Variants in ADD1 observed in about 807,000 individuals in gnomAD.
The protein encoded by ADD1 is adducin 1.
A neutral mutation model predicts 80.5 loss-of-function variants in ADD1; 24 were observed. The observed-to-expected ratio is 0.30, with a 90% CI of 0.22 to 0.42. ADD1 has a LOEUF of 0.42. Ranked by LOEUF, ADD1 falls within the 10% of genes least tolerant of loss-of-function variation. ADD1 has a pLI of 1.00. For missense variants in ADD1, 948 were observed against 1,019.0 expected (o/e 0.93, Z 0.95); for synonymous variants, 373 against 393.8 (o/e 0.95, Z 0.63).
intron 13 of ADD1, among the ~76,000 whole-genome samples, chr4:2,909,709 G>A (rs1737693569): frequency 6.6e-6 from 1 of 152,078 alleles, no homozygotes; most frequent in Admixed American, 6.5e-5. Flanking sequence ...GTTCCGCACG[G>A]GACTTTGGTC....
chr4:2,914,058 C>CAAAAAAA (rs775339952), intron 13 of ADD1, among the ~76,000 whole-genome samples: 1 of 120,574 alleles, frequency 8.3e-6, no homozygotes, highest in Non-Finnish European at 1.8e-5. Context: ...GACTCCGTCT[C>CAAAAAAA]AAAAAAAAAA....
At chr4:2,913,387 G>A (rs1165388169) in intron 13 of ADD1, among the ~76,000 whole-genome samples, 1 of 152,160 alleles carries the variant, frequency 6.6e-6, no homozygotes, top group African/African-American at 2.4e-5. Context: ...CTCTGGTCAG[G>A]GAAAGACTTG....
chr4:2,907,900 C>A, intron 11 of ADD1, 56 bp downstream of exon 11: 1 of 1,434,848 alleles, frequency 7.0e-7, no homozygotes, highest in Non-Finnish European at 9.8e-7. Context: ...GAAGGGATGC[C>A]AGCTGCTTTG....
intron 2 of ADD1, among the ~76,000 whole-genome samples, chr4:2,877,270 G>C (rs1731507459): frequency 6.6e-6 from 1 of 151,924 alleles, no homozygotes; most frequent in Non-Finnish European, 1.5e-5. Flanking sequence ...TACCAGGGGA[G>C]TGTCATTTGG....
At chr4:2,924,807 A>G (rs1740695039) in intron 14 of ADD1, among the ~76,000 whole-genome samples, 1 of 152,196 alleles carries the variant, frequency 6.6e-6, no homozygotes, top group African/African-American at 2.4e-5. Context: ...CCTGCCTTAG[A>G]GCGAGAACTG....
At chr4:2,886,489 A>G (rs959690145) in intron 4 of ADD1, among the ~76,000 whole-genome samples, 2 of 152,204 alleles carry the variant, frequency 1.3e-5, no homozygotes, top group African/African-American at 4.8e-5. Flanking sequence ...CACTCTGTGT[A>G]GAATGTCATC....
chr4:2,915,973 A>G (rs938056969), intron 14 of ADD1, among the ~76,000 whole-genome samples: 2 of 152,084 alleles, frequency 1.3e-5, no homozygotes, highest in African/African-American at 4.8e-5. Context: ...CTGACCCCGA[A>G]GATGTCCTGC....
At position 2,926,767 on chromosome 4, in the gene ADD1, T is replaced by C. The variant is rs1711767621; in HGVS notation, c.2047+655T>C. On this transcript the variant is annotated intron_variant, in intron 15 of 15. Transcript: ENST00000683351. The surrounding 1 kb of genome is among the most constrained non-coding windows in gnomAD (Gnocchi z 5.0). ...GTTGTTTATTAAGTTTTGTTTTCTG[T>C]TTATTTAAAATAAAAACAGAAGCCC... The C allele has an allele frequency of 3.5e-6, 5 of 1,425,322 alleles. No individual in the cohort carries two copies. The Middle Eastern group carries it at 7.4e-4, about 212-fold the overall frequency. 88.3% of individuals were successfully genotyped at this position (1,425,322 alleles called of 1,614,324 possible).
intron 14 of ADD1, among the ~76,000 whole-genome samples, chr4:2,924,975 T>C (rs1740726756): frequency 6.6e-6 from 1 of 152,126 alleles, no homozygotes; most frequent in African/African-American, 2.4e-5. Flanking sequence ...TTCCCCCCGA[T>C]GTGTGAGGCT....
chr4:2,904,131 A>T (rs1320931286), intron 9 of ADD1, among the ~76,000 whole-genome samples: 2 of 152,156 alleles, frequency 1.3e-5, no homozygotes, highest in Non-Finnish European at 2.9e-5. Flanking sequence ...TTGGGTGTTC[A>T]ACTTTAATTT....
In ADD1 at chr4:2,928,843, C is replaced by T. The variant is rs1208773659; in HGVS notation, c.*320C>T. On this transcript the variant is annotated 3_prime_UTR_variant, in exon 16 of 16. Coordinates refer to ENST00000683351, the MANE Select transcript of ADD1 (RefSeq NM_001354761.2). ...GCAGCTTTGGCTGCACGTCACCCTCCTGAGCCTCACCTTTCCTGCCGTCCC... is the reference window on the plus strand; with the variant it reads ...GCAGCTTTGGCTGCACGTCACCCTCTTGAGCCTCACCTTTCCTGCCGTCCC... 1.3e-5 allele frequency: 4 copies of T among 312,554 alleles called. No homozygotes were observed. Among genetic ancestry groups the T allele is most frequent in the East Asian group, 7.3e-5 (1 of 13,774 alleles). 19.4% of individuals were successfully genotyped at this position (312,554 alleles called of 1,614,324 possible).
At chr4:2,895,372 C>T (rs1472436483) in intron 6 of ADD1, among the ~76,000 whole-genome samples, 3 of 151,920 alleles carry the variant, frequency 2.0e-5, no homozygotes, top group African/African-American at 7.3e-5. Flanking sequence ...GCAGGCATCT[C>T]GTTCGAGAAG....
At chr4:2,860,407 T>G (rs77296747) in intron 1 of ADD1, among the ~76,000 whole-genome samples, 159 of 152,296 alleles carry the variant, frequency 1.0e-3, no homozygotes, top group African/African-American at 3.6e-3. Flanking sequence ...AACTTGTGAG[T>G]GAAATTTGGA....
At position 2,904,999 on chromosome 4, in the gene ADD1, C is replaced by T; in HGVS notation, c.1397C>T (p.Pro466Leu). The T allele has an allele frequency of 1.2e-6, 2 of 1,614,164 alleles. No homozygotes were observed. The highest frequency in any genetic ancestry group is 1.7e-6 in the Non-Finnish European group (2 of 1,180,036). Residue 466 changes from proline to leucine, a missense_variant, in exon 10 of 16, where the codon CCC becomes CTC. By Grantham distance (98) the Pro-to-Leu change is moderately conservative (BLOSUM62 -3). Coordinates refer to ENST00000683351, the MANE Select transcript of ADD1 (RefSeq NM_001354761.2). The part of the protein sequence containing the change: ...ASEEGQNGSS[P>L]KSKTKVWTNI... ...GAGGAAGGGCAGAATGGAAGCAGTC[C>T]CAAGTCGAAGACTAAGGTGTGGACG...
chr4:2,865,172 GT>G (rs896384592), intron 1 of ADD1, among the ~76,000 whole-genome samples: 64 of 142,802 alleles, frequency 4.5e-4, no homozygotes, highest in African/African-American at 1.3e-3. Flanking sequence ...ATTTTCTCTT[GT>G]TTTTTTTTTC....
intron 14 of ADD1, among the ~76,000 whole-genome samples, chr4:2,924,679 T>C (rs1430252171): frequency 6.6e-6 from 1 of 152,210 alleles, no homozygotes; most frequent in African/African-American, 2.4e-5. Flanking sequence ...AAATTTGAGT[T>C]GCTGAATTGT....
intron 13 of ADD1, among the ~76,000 whole-genome samples, chr4:2,910,771 G>A (rs1428283373): frequency 3.3e-5 from 5 of 152,154 alleles, no homozygotes; most frequent in Middle Eastern, 3.2e-3. Flanking sequence ...AACGATAGAG[G>A]TAGGGTCCGT....
chr4:2,899,438 AAGAAT>A lies in ADD1; in HGVS notation c.1161+4_1161+8del. 6.2e-7 allele frequency: 1 copy of A among 1,614,210 alleles called. No homozygotes were observed. Among genetic ancestry groups the A allele is most frequent in the Non-Finnish European group, 8.5e-7 (1 of 1,180,024 alleles). On this transcript the variant is annotated splice_donor_5th_base_variant and intron_variant, in intron 9 of 15. Coordinates refer to ENST00000683351, the MANE Select transcript of ADD1 (RefSeq NM_001354761.2). ...TCATGCGGATGCTCGATAATCTGGT[AAGAAT>A]GGTGCCACCACTTGATGATAAACCT...
chr4:2,849,106 A>G (rs1380581488), intron 1 of ADD1, among the ~76,000 whole-genome samples: 1 of 152,170 alleles, frequency 6.6e-6, no homozygotes, highest in Non-Finnish European at 1.5e-5. Flanking sequence ...TTATACTCCT[A>G]CCAACTGTGT....
Sources: allele counts gnomAD v4.1 joint callset (sites outside exome capture counted in the v4.1 genomes callset), GRCh38; gene constraint gnomAD v4.1.1; non-coding constraint Gnocchi (gnomAD v3.1); transcripts MANE v1.5; gene names NCBI Gene and HGNC (gene_info 2026-07-23, HGNC 2026-07-21).